The following TSPAN5 variants were observed in gnomAD, a reference collection of about 807,000 sequenced individuals.
TSPAN5 encodes the protein tetraspanin-5.
In TSPAN5, 10 loss-of-function variants were observed where a neutral mutation model predicts 37.1. That is an observed-to-expected ratio of 0.27 (90% confidence interval 0.17 to 0.46). The LOEUF is 0.46. TSPAN5 is among the 20% of genes least tolerant of loss of function. The pLI is 1.00. For synonymous variants in TSPAN5, 110 were observed against 118.9 expected (o/e 0.93, Z 0.48); for missense variants, 195 against 326.6 (o/e 0.60, Z 3.11).
intron 4 of TSPAN5, among the ~76,000 whole-genome samples, chr4:98,479,030 A>C (rs1457642598): frequency 6.6e-6 from 1 of 152,194 alleles, no homozygotes; most frequent in Non-Finnish European, 1.5e-5. Flanking sequence ...GATTTAAACA[A>C]CTGATGAGAC....
chr4:98,476,553 A>G, intron 5 of TSPAN5, 93 bp from the exon 6 acceptor site: 2 of 1,167,966 alleles, frequency 1.7e-6, no homozygotes, highest in Non-Finnish European at 2.5e-6. Flanking sequence ...CGCATTAGTA[A>G]TAAAATGTGT....
intron 1 of TSPAN5, among the ~76,000 whole-genome samples, chr4:98,527,679 C>T (rs955561464): frequency 3.3e-5 from 5 of 152,364 alleles, no homozygotes; most frequent in Middle Eastern, 3.4e-3. Context: ...CTCACCCCTA[C>T]GTGCTCTGTC....
intron 3 of TSPAN5, among the ~76,000 whole-genome samples, chr4:98,485,762 C>CTTTTTTTTTTTTTTTTT (rs766494512): frequency 6.9e-5 from 6 of 86,594 alleles, no homozygotes; most frequent in African/African-American, 2.7e-4. Context: ...CTTGGATATG[C>CTTTTTTTTTTTTTTTTT]TTTTTTTTTT....
intron 1 of TSPAN5, among the ~76,000 whole-genome samples, chr4:98,529,497 G>C (rs1754035535): frequency 2.0e-5 from 2 of 101,914 alleles, no homozygotes; most frequent in Non-Finnish European, 1.9e-5. Flanking sequence ...TTACGAACTT[G>C]TGTCATTTCA....
chr4:98,559,624 C>G (rs1754834606), intron 1 of TSPAN5, among the ~76,000 whole-genome samples: 1 of 152,200 alleles, frequency 6.6e-6, no homozygotes. Context: ...TACTCCATAA[C>G]ATAAGTAGGC....
At chr4:98,537,879 A>G (rs887876336) in intron 1 of TSPAN5, among the ~76,000 whole-genome samples, 12 of 152,228 alleles carry the variant, frequency 7.9e-5, no homozygotes, top group African/African-American at 2.9e-4. Flanking sequence ...TGGCATTGTC[A>G]TTTGAGGTGC....
At chr4:98,481,893 A>C in intron 4 of TSPAN5, 112 bp downstream of exon 4, 6 of 1,000,826 alleles carry the variant, frequency 6.0e-6, no homozygotes, top group Non-Finnish European at 9.2e-6. Flanking sequence ...ACACCCATGC[A>C]GAATAGTCAG....
chr4:98,635,114 T>C (rs1412787476), intron 1 of TSPAN5, among the ~76,000 whole-genome samples: 1 of 152,180 alleles, frequency 6.6e-6, no homozygotes, highest in Non-Finnish European at 1.5e-5. Flanking sequence ...TCTTTCCACA[T>C]CACAGAAGGG....
chr4:98,637,198 G>A (rs868075328), intron 1 of TSPAN5, among the ~76,000 whole-genome samples: 7 of 152,300 alleles, frequency 4.6e-5, no homozygotes, highest in East Asian at 1.9e-4. Flanking sequence ...AAGGACTGCC[G>A]TTGCTCCTGC....
intron 1 of TSPAN5, among the ~76,000 whole-genome samples, chr4:98,514,552 A>G (rs537315610): frequency 3.5e-4 from 53 of 152,256 alleles, no homozygotes; most frequent in African/African-American, 1.3e-3. Flanking sequence ...CGGAGTCCTC[A>G]TGGTAAGATG....
chr4:98,620,577 C>T (rs937460093), intron 1 of TSPAN5, among the ~76,000 whole-genome samples: 1 of 152,196 alleles, frequency 6.6e-6, no homozygotes, highest in African/African-American at 2.4e-5. Flanking sequence ...AAAGGTGCTG[C>T]ATATAACAGA....
At chr4:98,495,758 GTGTC>G (rs1753193340) in intron 2 of TSPAN5, among the ~76,000 whole-genome samples, 1 of 151,970 alleles carries the variant, frequency 6.6e-6, no homozygotes. Flanking sequence ...AACTTCAGGA[GTGTC>G]TGTGTTTTTT....
At chr4:98,508,462 G>C (rs532517252) in intron 1 of TSPAN5, among the ~76,000 whole-genome samples, 1 of 151,984 alleles carries the variant, frequency 6.6e-6, no homozygotes, top group East Asian at 1.9e-4. Context: ...GTTGAGGACT[G>C]GGGGAATGCC....
chr4:98,557,209 A>C (rs1461138442), intron 1 of TSPAN5, among the ~76,000 whole-genome samples: 1 of 152,226 alleles, frequency 6.6e-6, no homozygotes, highest in Non-Finnish European at 1.5e-5. Flanking sequence ...TCTAAACAGA[A>C]TACACACTGT....
intron 1 of TSPAN5, among the ~76,000 whole-genome samples, chr4:98,626,472 T>C (rs1290087015): frequency 6.6e-6 from 1 of 152,146 alleles, no homozygotes; most frequent in Admixed American, 6.5e-5. Context: ...CTCATCTCCC[T>C]CAGTGGCAAC....
At chr4:98,600,200 C>T (rs974231576) in intron 1 of TSPAN5, among the ~76,000 whole-genome samples, 5 of 152,072 alleles carry the variant, frequency 3.3e-5, no homozygotes, top group African/African-American at 1.2e-4. Context: ...TTTAGCACAT[C>T]GTAATCTTTT....
At chr4:98,484,104 T>A (rs1350331561) in intron 3 of TSPAN5, 1 of 181,574 alleles carries the variant, frequency 5.5e-6, no homozygotes, top group African/African-American at 2.4e-5. Context: ...CCTGGTAAAT[T>A]TTCTCTTCAT....
intron 1 of TSPAN5, among the ~76,000 whole-genome samples, chr4:98,645,611 G>T (rs920046893): frequency 6.6e-6 from 1 of 152,178 alleles, no homozygotes; most frequent in Non-Finnish European, 1.5e-5. Context: ...CATGCAGGTG[G>T]TTTACAAATG....
intron 1 of TSPAN5, among the ~76,000 whole-genome samples, chr4:98,548,855 C>A (rs924008798): frequency 6.6e-6 from 1 of 151,344 alleles, no homozygotes; most frequent in African/African-American, 2.4e-5. Flanking sequence ...GACAAGATTT[C>A]ATTCCTTTTT....
Sources: gnomAD v4.1 joint callset for allele counts (sites outside exome capture counted in the v4.1 genomes callset) on GRCh38, gnomAD v4.1.1 for gene constraint, MANE v1.5 for transcripts, NCBI Gene and HGNC (gene_info 2026-07-23, HGNC 2026-07-21) for gene names.